SORCS1: variants seen among roughly 807,000 people sequenced by gnomAD.
SORCS1 encodes the protein sortilin related VPS10 domain containing receptor 1, also known as VPS10 domain-containing receptor SorCS1.
A neutral mutation model predicts 146.1 loss-of-function variants in SORCS1; 60 were observed. The ratio of observed to expected loss-of-function variants is 0.41; its 90% CI spans 0.33 to 0.51. The LOEUF (loss-of-function observed/expected upper bound fraction) is 0.51. Among genes scored for constraint, SORCS1 ranks in the 20% least tolerant of loss-of-function variants. The pLI is 0.21. For synonymous variants in SORCS1, 637 were observed against 584.0 expected, an observed-to-expected ratio of 1.09 and a Z score of -1.31; for missense variants, 1,352 against 1,487.6, an observed-to-expected ratio of 0.91 and a Z score of 1.50.
chr10:106,602,536 C>G (rs7092640), intron 23 of SORCS1, among the ~76,000 whole-genome samples: 3 of 151,168 alleles, frequency 2.0e-5, no homozygotes, highest in Non-Finnish European at 1.5e-5. Context: ...CACACACACA[C>G]ACACACACAC....
chr10:106,607,187 C>A lies in SORCS1; in HGVS notation c.3144G>T (p.Arg1048Ser), dbSNP rs142651856. Residue 1048 changes from arginine (R) to serine (S), a missense_variant, in exon 23 of 26, where the codon AGG becomes AGT. This residue lies in a region of SORCS1 where 214 missense variants were observed against 204.8 expected (regional missense o/e 1.05). Coordinates refer to ENST00000263054, the MANE Select transcript of SORCS1 (RefSeq NM_052918.5). ...TCACCTGCTCCAGGTCATCAGTTGACCTTTTGTTTTCTCCAGCTGGATCCT... is the reference window on the plus strand; with the variant it reads ...TCACCTGCTCCAGGTCATCAGTTGAACTTTTGTTTTCTCCAGCTGGATCCT... ...PYQDPAGENKRSTDDLEQISE... is the reference protein window; with the variant it reads ...PYQDPAGENKSSTDDLEQISE... 1.9e-6 allele frequency: 3 copies of A among 1,614,026 alleles called. No individual in the cohort carries two copies. Among genetic ancestry groups the A allele is most frequent in the East Asian group, 2.2e-5 (1 of 44,862 alleles).
intron 3 of SORCS1, among the ~76,000 whole-genome samples, chr10:106,779,629 C>A (rs183303810): frequency 2.0e-5 from 3 of 148,840 alleles, no homozygotes; most frequent in African/African-American, 7.4e-5. Context: ...CAGCTCACTG[C>A]AACCTCTGCC....
chr10:107,083,063 C>T (rs1021132128), intron 1 of SORCS1, among the ~76,000 whole-genome samples: 4 of 146,156 alleles, frequency 2.7e-5, no homozygotes, highest in African/African-American at 7.7e-5. Flanking sequence ...GAGCCATGAT[C>T]GCACCACTGC....
chr10:106,790,287 G>T (rs181533653), intron 3 of SORCS1, among the ~76,000 whole-genome samples: 1 of 152,234 alleles, frequency 6.6e-6, no homozygotes, highest in Non-Finnish European at 1.5e-5. Flanking sequence ...GTTTGTTCTA[G>T]GTCCTGATGC....
intron 1 of SORCS1, among the ~76,000 whole-genome samples, chr10:106,993,864 G>A (rs11193153): frequency 0.41 from 61,975 of 151,560 alleles, 15,004 homozygotes; most frequent in African/African-American, 0.69. Context: ...GATTGACTCA[G>A]GAGTTTGAGA....
At chr10:107,026,230 A>G (rs1381586204) in intron 1 of SORCS1, among the ~76,000 whole-genome samples, 1 of 152,242 alleles carries the variant, frequency 6.6e-6, no homozygotes, top group Non-Finnish European at 1.5e-5. Context: ...GGATTTCTTT[A>G]GGTGAGCAGA....
At chr10:106,849,899 G>A in intron 2 of SORCS1, among the ~76,000 whole-genome samples, 1 of 152,162 alleles carries the variant, frequency 6.6e-6, no homozygotes, top group Admixed American at 6.5e-5. Context: ...AGGCTGCTCG[G>A]GGGTCAGGGG....
At chr10:106,767,382 T>C (rs1055301045) in intron 4 of SORCS1, among the ~76,000 whole-genome samples, 3 of 152,164 alleles carry the variant, frequency 2.0e-5, no homozygotes, top group Non-Finnish European at 4.4e-5. Context: ...GGCCAATATA[T>C]GACTGTGGGC....
chr10:106,707,725 G>T (rs752255686), intron 7 of SORCS1, among the ~76,000 whole-genome samples: 4 of 152,058 alleles, frequency 2.6e-5, no homozygotes, highest in Non-Finnish European at 5.9e-5. Context: ...AAGGTACAGA[G>T]GGCAGGTAGA....
chr10:106,684,128 G>T (rs1852640743), intron 10 of SORCS1, among the ~76,000 whole-genome samples: 1 of 152,110 alleles, frequency 6.6e-6, no homozygotes, highest in African/African-American at 2.4e-5. Flanking sequence ...GAGGTCAAGA[G>T]ATCAAGACCA....
intron 2 of SORCS1, among the ~76,000 whole-genome samples, chr10:106,856,416 C>A (rs899654845): frequency 2.0e-5 from 3 of 152,172 alleles, no homozygotes; most frequent in Non-Finnish European, 4.4e-5. Flanking sequence ...CAGTGCTTCT[C>A]ACATTTCTTC....
chr10:106,628,305 T>G (rs1848227359), intron 19 of SORCS1, among the ~76,000 whole-genome samples: 1 of 152,200 alleles, frequency 6.6e-6, no homozygotes, highest in Non-Finnish European at 1.5e-5. Flanking sequence ...AATTGATACT[T>G]TCTGTATTCA....
At chr10:107,155,689 T>C (rs1969221067) in intron 1 of SORCS1, among the ~76,000 whole-genome samples, 1 of 152,004 alleles carries the variant, frequency 6.6e-6, no homozygotes, top group Admixed American at 6.6e-5. Context: ...CACCGACCCA[T>C]CCACCACCCG....
chr10:106,891,504 C>CTTTTTTTTTTTTTTTTTTTTT lies in SORCS1; in HGVS notation c.627-61832_627-61831insAAAAAAAAAAAAAAAAAAAAA, dbSNP rs760812204. On this transcript the variant is annotated intron_variant, in intron 2 of 25. Transcript: ENST00000263054. ...GTAATCAGAAGTTTCAATGGGAATT[C>CTTTTTTTTTTTTTTTTTTTTT]TTTTTTTTTTTTTGAGAAAAGACCT... Among the ~76,000 whole-genome samples, 53 of 97,242 alleles carry CTTTTTTTTTTTTTTTTTTTTT rather than the reference C, an allele frequency of 5.5e-4. 2 individuals are homozygous for CTTTTTTTTTTTTTTTTTTTTT. Among genetic ancestry groups the CTTTTTTTTTTTTTTTTTTTTT allele is most frequent in the African/African-American group, 6.4e-4 (18 of 27,982 alleles). 63.8% of individuals were successfully genotyped at this position (97,242 alleles called of 152,430 possible). A position where few individuals can be genotyped will look rare whatever the true frequency, so the allele number is the denominator to read the frequency against.
intron 2 of SORCS1, among the ~76,000 whole-genome samples, chr10:106,907,587 GTTC>G (rs371201197): frequency 2.0e-5 from 3 of 152,018 alleles, no homozygotes; most frequent in African/African-American, 4.8e-5. Flanking sequence ...TAGTAAATAT[GTTC>G]TTATTTTGAT....
chr10:106,989,333 G>A (rs1309326135), intron 1 of SORCS1, among the ~76,000 whole-genome samples: 1 of 149,636 alleles, frequency 6.7e-6, no homozygotes, highest in African/African-American at 2.5e-5. Flanking sequence ...TTTCCTTCGA[G>A]GCTGTCTATC....
At chr10:106,760,714 C>CTA (rs879631391) in intron 5 of SORCS1, among the ~76,000 whole-genome samples, 2,574 of 52,220 alleles carry the variant, frequency 0.049, 43 homozygotes, top group Admixed American at 0.11. Context: ...CACACTAACA[C>CTA]ACACACACAC....
At chr10:106,942,637 A>G (rs1011975407) in intron 2 of SORCS1, among the ~76,000 whole-genome samples, 2 of 152,168 alleles carry the variant, frequency 1.3e-5, no homozygotes, top group African/African-American at 4.8e-5. Flanking sequence ...CACATGGCTC[A>G]GGAAAGCTGA....
At chr10:107,034,393 T>C (rs1008314219) in intron 1 of SORCS1, among the ~76,000 whole-genome samples, 6 of 151,658 alleles carry the variant, frequency 4.0e-5, no homozygotes, top group African/African-American at 1.2e-4. Context: ...AAAACAACAC[T>C]AATAGGCCGG....
Sources: gnomAD v4.1 joint callset for allele counts (sites outside exome capture counted in the v4.1 genomes callset) on GRCh38, gnomAD v4.1.1 for gene constraint, gnomAD v4.1.1 regional missense constraint, MANE v1.5 for transcripts, NCBI Gene and HGNC (gene_info 2026-07-23, HGNC 2026-07-21) for gene names.